Variants in MROH9 observed in about 807,000 individuals in gnomAD.
The protein encoded by MROH9 is maestro heat-like repeat-containing protein family member 9.
In MROH9, 92 loss-of-function variants were observed where a neutral mutation model predicts 98.2. The ratio of observed to expected loss-of-function variants is 0.94; its 90% confidence interval spans 0.79 to 1.11. The LOEUF is 1.11. Ranked by LOEUF, MROH9 falls within the 50% of genes most tolerant of loss-of-function variation. The pLI, the probability that MROH9 is intolerant of heterozygous loss-of-function variation, is 0.00. For synonymous variants in MROH9, 397 were observed against 368.9 expected (o/e 1.08, Z -0.87); for missense variants, 1,057 against 1,014.8 (o/e 1.04, Z -0.57).
Position 171,024,410 on chromosome 1 carries a change from C to T in MROH9, c.1924C>T (p.Arg642Ter), listed in dbSNP as rs887844273. Reference protein sequence around the residue: ...TLMDHINGGIRSMAIRHFGQL... With the variant: ...TLMDHINGGI ...TCTTTTACAGATTAATGGAGGCATT[C>T]GAAGTATGGCAATTCGACACTTTGG... The change falls in exon 18 of 22, where the codon CGA (arginine) becomes TGA (stop). Residue 642 changes from arginine (R) to a stop codon, truncating the protein, a stop_gained. Coordinates refer to ENST00000367759, the MANE Select transcript of MROH9 (RefSeq NM_001163629.2). LOFTEE classifies it high-confidence loss of function. The T allele has an allele frequency of 5.2e-6, 8 of 1,550,596 alleles. No individual in the cohort carries two copies. In the South Asian group the frequency reaches 6.0e-5, roughly 12 times the overall value.
At chr1:171,054,015 G>A (rs1271736403) in intron 20 of MROH9, among the ~76,000 whole-genome samples, 2 of 152,070 alleles carry the variant, frequency 1.3e-5, no homozygotes, top group African/African-American at 2.4e-5. Flanking sequence ...TGGATAAAAG[G>A]AAATGAAACA....
intron 17 of MROH9, among the ~76,000 whole-genome samples, chr1:171,017,588 A>G (rs1320316799): frequency 6.6e-6 from 1 of 152,020 alleles, no homozygotes; most frequent in Non-Finnish European, 1.5e-5. Context: ...TAAGCCCTTT[A>G]AACTCCTTGG....
At chr1:171,019,312 A>G (rs1439046992) in intron 17 of MROH9, among the ~76,000 whole-genome samples, 1 of 152,190 alleles carries the variant, frequency 6.6e-6, no homozygotes, top group Non-Finnish European at 1.5e-5. Context: ...ACACAGCTAC[A>G]GCGGTGTTGA....
intron 10 of MROH9, among the ~76,000 whole-genome samples, chr1:170,988,492 C>G (rs551618012): frequency 6.6e-6 from 1 of 152,128 alleles, no homozygotes; most frequent in African/African-American, 2.4e-5. Flanking sequence ...TACCAAGTCC[C>G]TGAGAGAAAG....
At chr1:170,997,630 A>T (rs1006713467) in intron 14 of MROH9, among the ~76,000 whole-genome samples, 2 of 152,146 alleles carry the variant, frequency 1.3e-5, no homozygotes, top group African/African-American at 4.8e-5. Context: ...TACTGATCTG[A>T]TCCAGGCCAC....
At position 171,052,219 on chromosome 1, in the gene MROH9, C is replaced by T. The variant is rs116659507; in HGVS notation, c.2282-9913C>T. ...TCTCTGATGATCTTTTGTATTCCTG[C>T]GGAATCAGTTGTTTGTCATTGTTAT... is the stretch of plus-strand genomic sequence containing the variant. On this transcript the variant is annotated intron_variant, in intron 20 of 21. Coordinates refer to ENST00000367759, the MANE Select transcript of MROH9 (RefSeq NM_001163629.2). Among the ~76,000 whole-genome samples the T allele has an allele frequency of 4.9e-3, 750 of 152,222 alleles. 10 individuals are homozygous for T. Among genetic ancestry groups the T allele is most frequent in the African/African-American group, 0.017 (715 of 41,522 alleles).
In MROH9 at chr1:171,010,712, TG is replaced by T. The variant is rs369989459; in HGVS notation, c.1597-3404del. 2.2e-3 allele frequency among the ~76,000 whole-genome samples: 341 copies of T among 152,360 alleles called. 1 individual carries two copies. Among genetic ancestry groups the T allele is most frequent in the African/African-American group, 7.7e-3 (319 of 41,592 alleles). On this transcript the variant is annotated intron_variant, in intron 15 of 21. Transcript: ENST00000367759. Reference sequence around the variant, plus strand: ...GATGATGAGCATTTTTTCATATGTCTGTTGGCTGCATAAATGTCTTCTTTTG... The same window carrying T: ...GATGATGAGCATTTTTTCATATGTCTTTGGCTGCATAAATGTCTTCTTTTG...
intron 20 of MROH9, among the ~76,000 whole-genome samples, chr1:171,049,042 C>A (rs905693745): frequency 1.3e-5 from 2 of 152,170 alleles, no homozygotes; most frequent in Non-Finnish European, 2.9e-5. Context: ...GCCCTCCCCA[C>A]TTTTCCCTCT....
chr1:171,011,848 C>T (rs1652164311), intron 15 of MROH9, among the ~76,000 whole-genome samples: 1 of 151,718 alleles, frequency 6.6e-6, no homozygotes, highest in African/African-American at 2.4e-5. Flanking sequence ...GATTTTTTTC[C>T]TGTGCAAAAG....
intron 5 of MROH9, among the ~76,000 whole-genome samples, chr1:170,961,302 AT>A (rs1346431354): frequency 6.6e-6 from 1 of 152,236 alleles, no homozygotes; most frequent in African/African-American, 2.4e-5. Context: ...AAAATTTAAA[AT>A]TTTAGAGGTG....
chr1:171,001,953 A>C (rs779430322), intron 15 of MROH9, among the ~76,000 whole-genome samples: 2 of 152,104 alleles, frequency 1.3e-5, no homozygotes, highest in African/African-American at 2.4e-5. Flanking sequence ...TAGGATTGTG[A>C]TATTTTCCTG....
chr1:170,998,133 G>A (rs777441270), intron 14 of MROH9, 21 bp from the exon 15 acceptor site: 1 of 1,568,036 alleles, frequency 6.4e-7, no homozygotes, highest in Non-Finnish European at 8.6e-7. Context: ...TGCTAATTCA[G>A]TGCCTTATTC....
chr1:171,024,879 G>A (rs2101842610), intron 19 of MROH9, 114 bp downstream of exon 19: 1 of 647,318 alleles, frequency 1.5e-6, no homozygotes, highest in Non-Finnish European at 2.6e-6. Context: ...GAAAAAAATG[G>A]AAGAAAATAT....
intron 20 of MROH9, among the ~76,000 whole-genome samples, chr1:171,054,250 G>A (rs185843381): frequency 1.4e-3 from 209 of 152,164 alleles, no homozygotes; most frequent in African/African-American, 4.8e-3. Flanking sequence ...ACTGATGTTC[G>A]ACAAAGCAAA....
chr1:170,970,702 C>CTGTGTATGTGTGTGTG (rs1650409502), intron 7 of MROH9, among the ~76,000 whole-genome samples: 1 of 118,478 alleles, frequency 8.4e-6, no homozygotes, highest in Non-Finnish European at 1.7e-5. Context: ...TTAGGAATTT[C>CTGTGTATGTGTGTGTG]TGTGTGTGTG....
At chr1:170,993,393 A>G (rs1025786542) in intron 12 of MROH9, among the ~76,000 whole-genome samples, 1 of 152,202 alleles carries the variant, frequency 6.6e-6, no homozygotes, top group African/African-American at 2.4e-5. Context: ...GATAAATTAA[A>G]GCCACATATG....
chr1:170,980,522 G>A (rs1451789334), intron 8 of MROH9, among the ~76,000 whole-genome samples: 1 of 152,142 alleles, frequency 6.6e-6, no homozygotes, highest in Non-Finnish European at 1.5e-5. Flanking sequence ...AATGGGGAAA[G>A]AATTCTCTGT....
At chr1:170,976,157 G>A (rs943258939) in intron 8 of MROH9, among the ~76,000 whole-genome samples, 5 of 151,960 alleles carry the variant, frequency 3.3e-5, no homozygotes, top group African/African-American at 1.2e-4. Flanking sequence ...TACCTTCAAG[G>A]TTTGTGTTAT....
chr1:171,045,012 T>C (rs1653423255), intron 20 of MROH9, among the ~76,000 whole-genome samples: 2 of 92,212 alleles, frequency 2.2e-5, no homozygotes, highest in South Asian at 8.8e-4. Context: ...TTTTTTTTTT[T>C]TTTTTTTGAG....
Sources: gnomAD v4.1 joint callset for allele counts (sites outside exome capture counted in the v4.1 genomes callset) on GRCh38, gnomAD v4.1.1 for gene constraint, MANE v1.5 for transcripts, NCBI Gene and HGNC (gene_info 2026-07-23, HGNC 2026-07-21) for gene names.